Variants in ERCC6 observed in about 807,000 individuals in gnomAD.
ERCC6 encodes the protein DNA excision repair protein ERCC-6.
ERCC6 carries 116 observed loss-of-function variants against 158.7 expected under a neutral mutation model. That is an observed-to-expected ratio of 0.73 (90% CI 0.63 to 0.85). The LOEUF (loss-of-function observed/expected upper bound fraction) is 0.85, where lower values mean the gene tolerates loss of function less well. ERCC6 is among the 40% of genes least tolerant of loss of function. The pLI is 0.00. For synonymous variants in ERCC6, 678 were observed against 659.3 expected, an observed-to-expected ratio of 1.03 and a Z score of -0.43; for missense variants, 1,698 against 1,799.4, an observed-to-expected ratio of 0.94 and a Z score of 1.02.
At chr10:49,502,194 G>A (rs1041346603) in intron 6 of ERCC6, 2 of 151,988 alleles carry the variant, frequency 1.3e-5, no homozygotes, top group Non-Finnish European at 2.9e-5. Flanking sequence ...CTTTCTCCCA[G>A]TATTTTGCAA....
At chr10:49,508,580 T>C (rs1351674491) in intron 5 of ERCC6, among the ~76,000 whole-genome samples, 1 of 152,200 alleles carries the variant, frequency 6.6e-6, no homozygotes, top group Non-Finnish European at 1.5e-5. Flanking sequence ...GGGAAAATCA[T>C]TATTGCCTGC....
chr10:49,460,487 T>C (rs548249894), intron 19 of ERCC6, 36 bp from the exon 20 acceptor site: 18 of 1,438,804 alleles, frequency 1.3e-5, no homozygotes, highest in Admixed American at 1.7e-5. Flanking sequence ...GATTAAATGT[T>C]TGCTTTTGAG....
At chr10:49,493,988 T>C (rs1306948612) in intron 7 of ERCC6, among the ~76,000 whole-genome samples, 6 of 152,218 alleles carry the variant, frequency 3.9e-5, no homozygotes, top group African/African-American at 1.4e-4. Flanking sequence ...ACAGCACCCA[T>C]GCATTGACCC....
chr10:49,498,266 C>A (rs1851299215), intron 7 of ERCC6, among the ~76,000 whole-genome samples: 1 of 152,182 alleles, frequency 6.6e-6, no homozygotes, highest in African/African-American at 2.4e-5. Context: ...CTTAAAATTA[C>A]AACACCAAAA....
rs1200709700 is a variant in ERCC6, at chr10:49,483,338, G to C, written c.1992+8C>G. On this transcript the variant is annotated splice_region_variant and intron_variant, in intron 9 of 20. Transcript: ENST00000355832. ...CTTGGAAATCTCCCTTGTTAAAAGA[G>C]GTCATACCTGTTTGCAAGCAAGGGT... The C allele has an allele frequency of 6.2e-7, 1 of 1,613,876 alleles. No homozygotes were observed. Among genetic ancestry groups the C allele is most frequent in the African/African-American group, 1.3e-5 (1 of 75,042 alleles).
At chr10:49,516,416 G>C (rs1180599981) in intron 5 of ERCC6, 1 of 1,613,998 alleles carries the variant, frequency 6.2e-7, no homozygotes, top group African/African-American at 1.3e-5. Context: ...AATTTGCATT[G>C]TCAGCAACAT....
Position 49,459,007 on chromosome 10 carries a change from C to T in ERCC6, c.4290G>A (p.Glu1430=), listed in dbSNP as rs762337440. 6.2e-7 allele frequency: 1 copy of T among 1,614,238 alleles called. No homozygotes were observed. The highest frequency in any genetic ancestry group is 8.5e-7 in the Non-Finnish European group (1 of 1,180,052). Residue 1430 remains glutamate (E), a synonymous_variant, in exon 21 of 21, where the codon GAG becomes GAA. Coordinates refer to ENST00000355832, the MANE Select transcript of ERCC6 (RefSeq NM_000124.4). ...PTTEHDDLLV[E]MRNFIAFQAH... is the part of the protein sequence containing the mutation. ...CCTGGAAAGCGATGAAGTTTCTCATCTCCACCAGAAGGTCATCGTGTTCTG... is the reference window on the plus strand; with the variant it reads ...CCTGGAAAGCGATGAAGTTTCTCATTTCCACCAGAAGGTCATCGTGTTCTG...
Position 49,492,396 on chromosome 10 carries a change from G to A in ERCC6, c.1821+721C>T, listed in dbSNP as rs4253137. ...ACCTGCAAATTCACAGTGAAACTGC[G>A]TGATTATTATTTATTCAGCAAATGC... On this transcript the variant is annotated intron_variant, in intron 8 of 20. Coordinates refer to ENST00000355832, the MANE Select transcript of ERCC6 (RefSeq NM_000124.4). Among the ~76,000 whole-genome samples the A allele has an allele frequency of 7.7e-3, 1,172 of 152,200 alleles. 13 individuals are homozygous for A. Among genetic ancestry groups the A allele is most frequent in the African/African-American group, 0.027 (1,115 of 41,516 alleles).
intron 5 of ERCC6, chr10:49,516,419 A>C: frequency 6.2e-7 from 1 of 1,614,220 alleles, no homozygotes; most frequent in Non-Finnish European, 8.5e-7. Context: ...TTGCATTGTC[A>C]GCAACATGCA....
intron 12 of ERCC6, among the ~76,000 whole-genome samples, chr10:49,474,974 T>A (rs1177491361): frequency 6.6e-6 from 1 of 152,138 alleles, no homozygotes; most frequent in African/African-American, 2.4e-5. Flanking sequence ...ATTAAGCCAA[T>A]AATCAAAGGG....
intron 19 of ERCC6, among the ~76,000 whole-genome samples, chr10:49,460,952 C>A (rs1019107605): frequency 1.3e-5 from 2 of 151,886 alleles, no homozygotes; most frequent in African/African-American, 4.8e-5. Flanking sequence ...GTATCTTGTT[C>A]AAAAGATGAT....
intron 5 of ERCC6, among the ~76,000 whole-genome samples, chr10:49,510,897 C>A (rs542593846): frequency 1.1e-3 from 171 of 151,750 alleles, no homozygotes; most frequent in African/African-American, 3.8e-3. Flanking sequence ...GACTTTAAAG[C>A]ACTGCTCCTA....
chr10:49,473,100 A>G (rs902854430), intron 14 of ERCC6, 72 bp from the exon 15 acceptor site: 6 of 1,604,214 alleles, frequency 3.7e-6, no homozygotes, highest in Non-Finnish European at 5.1e-6. Flanking sequence ...CTGCCTCCAC[A>G]TATTGTACAC....
intron 8 of ERCC6, among the ~76,000 whole-genome samples, chr10:49,491,008 C>G (rs1012113272): frequency 6.6e-6 from 1 of 152,276 alleles, no homozygotes; most frequent in African/African-American, 2.4e-5. Flanking sequence ...ATTTAACACA[C>G]GTGTAAGCCA....
chr10:49,515,967 A>G lies in ERCC6; in HGVS notation c.1397+8066T>C, dbSNP rs138534983. 1,036 of 1,614,174 alleles carry G rather than the reference A, an allele frequency of 6.4e-4. 2 individuals carry two copies. Among genetic ancestry groups the G allele is most frequent in the Non-Finnish European group, 7.9e-4 (934 of 1,180,024 alleles). On this transcript the variant is annotated intron_variant, in intron 5 of 20. Transcript: ENST00000355832. ...TAAAGCTACATCTGATTCCAGTGGA[A>G]CTCTGTCAATGTGATCCTTTCTCAC... is the stretch of plus-strand genomic sequence containing the variant.
intron 9 of ERCC6, 99 bp downstream of exon 9, chr10:49,483,247 A>G: frequency 1.6e-6 from 2 of 1,281,028 alleles, no homozygotes; most frequent in Admixed American, 3.5e-5. Flanking sequence ...AGTTGGCACA[A>G]GGAAAGATTC....
chr10:49,509,214 A>G (rs545373937), intron 5 of ERCC6, among the ~76,000 whole-genome samples: 76 of 152,360 alleles, frequency 5.0e-4, no homozygotes, highest in African/African-American at 1.8e-3. Flanking sequence ...AAGGTGTCAC[A>G]TATAAAGCAC....
rs376818162 is a variant in ERCC6, at chr10:49,487,963, T to C, written c.1822-4447A>G. 5.9e-5 allele frequency among the ~76,000 whole-genome samples: 9 copies of C among 152,358 alleles called. No individual in the cohort carries two copies. The East Asian group carries it at 1.2e-3, about 20-fold the overall frequency. The stretch of plus-strand genomic sequence containing the variant: ...CCATCTAAGACTATTTGTTATCACC[T>C]GATTCAATCGCAGAATTCTATAGCT... On this transcript the variant is annotated intron_variant, in intron 8 of 20. Coordinates refer to ENST00000355832, the MANE Select transcript of ERCC6 (RefSeq NM_000124.4).
At position 49,458,435 on chromosome 10, in the gene ERCC6, T is replaced by G; in HGVS notation, c.*380A>C. On this transcript the variant is annotated 3_prime_UTR_variant, in exon 21 of 21. Transcript: ENST00000355832. The stretch of plus-strand genomic sequence containing the variant: ...AACAGGTCTGACTGAATGTAAGACC[T>G]GTTTTTAGCACCAATAAAAAAAAAT... The G allele has an allele frequency of 4.0e-6, 1 of 251,844 alleles. No individual in the cohort carries two copies. Among genetic ancestry groups the G allele is most frequent in the Non-Finnish European group, 7.8e-6 (1 of 128,646 alleles). The allele number at this position is 251,844 out of a possible 1,614,324, so 15.6% of individuals were successfully genotyped here. A position where few individuals can be genotyped will look rare whatever the true frequency, so the allele number is the denominator to read the frequency against.
Sources: allele counts gnomAD v4.1 joint callset (sites outside exome capture counted in the v4.1 genomes callset), GRCh38; gene constraint gnomAD v4.1.1; transcripts MANE v1.5; gene names NCBI Gene and HGNC (gene_info 2026-07-23, HGNC 2026-07-21).